The following LSAMP variants were observed in gnomAD, a reference collection of about 807,000 sequenced individuals.
LSAMP encodes limbic system-associated membrane protein.
LSAMP carries 7 observed loss-of-function variants against 38.6 expected under a neutral mutation model. The observed-to-expected ratio is 0.18, with a 90% CI of 0.10 to 0.34. The LOEUF is 0.34. Among genes scored for constraint, LSAMP ranks in the 10% least tolerant of loss-of-function variants. The probability of loss-of-function intolerance (pLI) is 1.00; values close to 1 mark genes in which losing one functional copy is unlikely to be tolerated. For synonymous variants in LSAMP, 154 were observed against 166.8 expected (o/e 0.92, Z 0.59); for missense variants, 313 against 420.0 (o/e 0.75, Z 2.23).
intron 3 of LSAMP, among the ~76,000 whole-genome samples, chr3:115,867,050 A>G (rs1576165372): frequency 1.3e-5 from 2 of 152,004 alleles, no homozygotes; most frequent in Admixed American, 6.6e-5. Flanking sequence ...ATTTTACACA[A>G]TGCTGGCTTA....
chr3:116,005,248 G>A (rs139731856), intron 3 of LSAMP, among the ~76,000 whole-genome samples: 1 of 152,046 alleles, frequency 6.6e-6, no homozygotes, highest in Non-Finnish European at 1.5e-5. Flanking sequence ...AACCCAGAAA[G>A]GTACCACCTC....
intron 1 of LSAMP, among the ~76,000 whole-genome samples, chr3:116,315,724 A>G (rs2047619981): frequency 6.6e-6 from 1 of 152,162 alleles, no homozygotes; most frequent in Non-Finnish European, 1.5e-5. Context: ...CTATCTACCT[A>G]TCTCCTCATT....
chr3:116,129,735 G>T (rs555906081), intron 1 of LSAMP, among the ~76,000 whole-genome samples: 16 of 152,310 alleles, frequency 1.1e-4, no homozygotes, highest in Middle Eastern at 3.4e-3. Context: ...ATGCCAGGTG[G>T]ATATGTGCAC....
In LSAMP at chr3:116,118,240, T is replaced by TAAGAGTGAGAG. The variant is rs1708797044; in HGVS notation, c.156-31685_156-31684insCTCTCACTCTT. Among the ~76,000 whole-genome samples, 5 of 152,200 alleles carry TAAGAGTGAGAG rather than the reference T, an allele frequency of 3.3e-5. 1 individual carries two copies. Among genetic ancestry groups the TAAGAGTGAGAG allele is most frequent in the African/African-American group, 1.2e-4 (5 of 41,454 alleles). On this transcript the variant is annotated intron_variant, in intron 1 of 6. Coordinates refer to ENST00000490035, the MANE Select transcript of LSAMP (RefSeq NM_002338.5). Reference sequence around the variant, plus strand: ...AGGGGACAGTATCTATGGATTTCTCTCACTCTTAAATGTCATTCAAATAAT... The same window carrying TAAGAGTGAGAG: ...AGGGGACAGTATCTATGGATTTCTCTAAGAGTGAGAGCACTCTTAAATGTCATTCAAATAAT...
At chr3:115,818,235 G>A (rs553404085) in intron 6 of LSAMP, among the ~76,000 whole-genome samples, 1 of 152,260 alleles carries the variant, frequency 6.6e-6, no homozygotes, top group Admixed American at 6.5e-5. Flanking sequence ...CTTGTGCAAA[G>A]TGCAACTTTC....
chr3:116,217,905 G>A (rs1338186606), intron 1 of LSAMP, among the ~76,000 whole-genome samples: 1 of 152,142 alleles, frequency 6.6e-6, no homozygotes, highest in Non-Finnish European at 1.5e-5. Context: ...ATAACCCAGG[G>A]AGTCCTTTGT....
chr3:116,206,118 T>A (rs1309789549), intron 1 of LSAMP, among the ~76,000 whole-genome samples: 5 of 150,748 alleles, frequency 3.3e-5, no homozygotes, highest in African/African-American at 1.2e-4. Flanking sequence ...AACTTCTTCC[T>A]GGTTTAGTCT....
At chr3:115,990,757 G>A (rs543685802) in intron 3 of LSAMP, among the ~76,000 whole-genome samples, 68 of 152,048 alleles carry the variant, frequency 4.5e-4, no homozygotes, top group Non-Finnish European at 7.8e-4. Flanking sequence ...AACATGAAGA[G>A]AAACAAAACG....
intron 1 of LSAMP, among the ~76,000 whole-genome samples, chr3:116,299,227 G>A (rs2047374587): frequency 6.6e-6 from 1 of 152,222 alleles, no homozygotes; most frequent in Non-Finnish European, 1.5e-5. Context: ...CAAAACAGCT[G>A]TGGGTAGGAG....
chr3:116,010,586 A>G (rs1297974011), intron 3 of LSAMP, among the ~76,000 whole-genome samples: 1 of 152,236 alleles, frequency 6.6e-6, no homozygotes, highest in Non-Finnish European at 1.5e-5. Context: ...TGAAAGGGCT[A>G]GCTACAAGAA....
chr3:116,114,387 T>A (rs1417917987), intron 1 of LSAMP, among the ~76,000 whole-genome samples: 1 of 152,096 alleles, frequency 6.6e-6, no homozygotes, highest in Admixed American at 6.5e-5. Flanking sequence ...AGTACATGGG[T>A]TGGAAGGAAG....
intron 2 of LSAMP, among the ~76,000 whole-genome samples, chr3:116,025,867 G>A (rs903341703): frequency 1.3e-5 from 2 of 152,046 alleles, no homozygotes; most frequent in Non-Finnish European, 2.9e-5. Flanking sequence ...ACACTATTAT[G>A]TGTTAATTTT....
At chr3:115,999,366 G>A (rs2107655832) in intron 3 of LSAMP, among the ~76,000 whole-genome samples, 1 of 152,200 alleles carries the variant, frequency 6.6e-6, no homozygotes, top group East Asian at 1.9e-4. Context: ...TATCCCCCAA[G>A]GACACGGGCC....
intron 6 of LSAMP, among the ~76,000 whole-genome samples, chr3:115,825,984 A>G (rs1423672636): frequency 6.6e-6 from 1 of 152,190 alleles, no homozygotes; most frequent in Non-Finnish European, 1.5e-5. Flanking sequence ...ATTTTTCTAG[A>G]TTTAAAAAAT....
At chr3:116,252,183 C>T (rs904945636) in intron 1 of LSAMP, among the ~76,000 whole-genome samples, 1 of 152,164 alleles carries the variant, frequency 6.6e-6, no homozygotes, top group African/African-American at 2.4e-5. Flanking sequence ...CACATGTGTG[C>T]CAATGTGCAC....
intron 1 of LSAMP, among the ~76,000 whole-genome samples, chr3:116,192,772 T>C (rs1710783145): frequency 6.6e-6 from 1 of 152,210 alleles, no homozygotes; most frequent in African/African-American, 2.4e-5. Context: ...TCCAGTGGTT[T>C]TTCTTTTGAA....
At chr3:116,316,850 C>A (rs1559825553) in intron 1 of LSAMP, among the ~76,000 whole-genome samples, 1 of 148,830 alleles carries the variant, frequency 6.7e-6, no homozygotes, top group East Asian at 2.0e-4. Flanking sequence ...AGGTGTCAAG[C>A]ATAAAAGTTA....
intron 1 of LSAMP, among the ~76,000 whole-genome samples, chr3:116,299,706 C>T (rs894367323): frequency 6.6e-6 from 1 of 152,126 alleles, no homozygotes; most frequent in Admixed American, 6.5e-5. Flanking sequence ...TCAGAGATCC[C>T]CAACTGTGAC....
chr3:115,859,531 C>T (rs561382592), intron 3 of LSAMP, among the ~76,000 whole-genome samples: 2 of 152,036 alleles, frequency 1.3e-5, no homozygotes, highest in Non-Finnish European at 2.9e-5. Flanking sequence ...TAGAAATGTT[C>T]CCTATTTGAA....
Sources: gnomAD v4.1 joint callset for allele counts (sites outside exome capture counted in the v4.1 genomes callset) on GRCh38, gnomAD v4.1.1 for gene constraint, MANE v1.5 for transcripts, NCBI Gene and HGNC (gene_info 2026-07-23, HGNC 2026-07-21) for gene names.